Variants in CPA6 observed in about 807,000 individuals in gnomAD.
CPA6 encodes carboxypeptidase B.
CPA6 carries 58 observed loss-of-function variants against 63.3 expected under a neutral mutation model. That is an observed-to-expected ratio of 0.92 (90% CI 0.74 to 1.14). The LOEUF is 1.14. CPA6 is among the 50% of genes most tolerant of loss of function. CPA6 has a pLI of 0.00. For missense variants in CPA6, 565 were observed against 526.6 expected, an observed-to-expected ratio of 1.07 and a Z score of -0.71; for synonymous variants, 185 against 179.0, an observed-to-expected ratio of 1.03 and a Z score of -0.27.
Position 67,511,523 on chromosome 8 carries a change from G to T in CPA6, c.432+18C>A. The T allele has an allele frequency of 7.2e-7, 1 of 1,394,876 alleles. No homozygotes were observed. The highest frequency in any genetic ancestry group is 1.0e-6 in the Non-Finnish European group (1 of 983,458). The allele number at this position is 1,394,876 out of a possible 1,614,324, so 86.4% of individuals were successfully genotyped here. On this transcript the variant is annotated intron_variant, in intron 4 of 10. Transcript: ENST00000297770. ...ATGACTCTGTGAAAAACCAGAAAAA[G>T]CTCTTTTGATTACATACTTCTTCTA...
At chr8:67,552,578 C>T (rs1026123904) in intron 2 of CPA6, among the ~76,000 whole-genome samples, 4 of 151,840 alleles carry the variant, frequency 2.6e-5, no homozygotes, top group Non-Finnish European at 5.9e-5. Flanking sequence ...TCAAGACCAT[C>T]CTGGCTAACA....
At chr8:67,723,172 G>A (rs548407189) in intron 1 of CPA6, among the ~76,000 whole-genome samples, 2 of 151,874 alleles carry the variant, frequency 1.3e-5, no homozygotes, top group South Asian at 2.1e-4. Flanking sequence ...TATTGTTCCC[G>A]TACTGATGGA....
intron 9 of CPA6, among the ~76,000 whole-genome samples, chr8:67,428,830 C>G (rs1809954933): frequency 6.6e-6 from 1 of 152,118 alleles, no homozygotes; most frequent in African/African-American, 2.4e-5. Context: ...CGGGCAGGGA[C>G]CATGTCGGTC....
chr8:67,634,214 TTA>T (rs1231230286), intron 1 of CPA6, among the ~76,000 whole-genome samples: 1 of 106,144 alleles, frequency 9.4e-6, no homozygotes, highest in African/African-American at 3.6e-5. Context: ...ATTATTATTA[TTA>T]TTATTTATTT....
chr8:67,686,993 T>C (rs778531828), intron 1 of CPA6, among the ~76,000 whole-genome samples: 35 of 152,288 alleles, frequency 2.3e-4, no homozygotes, highest in Middle Eastern at 3.4e-3. Flanking sequence ...TTACTCAAGG[T>C]CTTCAGAGGC....
intron 2 of CPA6, among the ~76,000 whole-genome samples, chr8:67,533,530 T>TCCTA (rs1812521195): frequency 6.6e-6 from 1 of 152,216 alleles, no homozygotes; most frequent in African/African-American, 2.4e-5. Flanking sequence ...ATATCAGCTG[T>TCCTA]CCTATCATCT....
intron 1 of CPA6, among the ~76,000 whole-genome samples, chr8:67,636,215 G>A (rs1217894151): frequency 6.6e-6 from 1 of 151,506 alleles, no homozygotes; most frequent in East Asian, 1.9e-4. Flanking sequence ...GCCATGGGCA[G>A]CCTATAATTA....
intron 1 of CPA6, among the ~76,000 whole-genome samples, chr8:67,643,254 G>A (rs567379738): frequency 6.6e-6 from 1 of 152,236 alleles, no homozygotes; most frequent in East Asian, 1.9e-4. Flanking sequence ...GCACCAAGAG[G>A]TAGGAGAGTC....
intron 2 of CPA6, among the ~76,000 whole-genome samples, chr8:67,606,624 C>A (rs1021810894): frequency 6.6e-6 from 1 of 152,272 alleles, no homozygotes. Context: ...CAGAGGTGTG[C>A]GATCACAGAC....
intron 6 of CPA6, among the ~76,000 whole-genome samples, chr8:67,486,353 C>G (rs1217105465): frequency 6.6e-6 from 1 of 152,244 alleles, no homozygotes; most frequent in Admixed American, 6.5e-5. Context: ...CTATGTGACA[C>G]TTGATATTTG....
chr8:67,513,576 C>G (rs1203623695), intron 3 of CPA6, among the ~76,000 whole-genome samples: 1 of 152,148 alleles, frequency 6.6e-6, no homozygotes, highest in African/African-American at 2.4e-5. Context: ...TTGTTAAAGT[C>G]TGTGGTACTT....
rs1166618180 is a variant in CPA6, at chr8:67,506,782, C to A, written c.636+5G>T. On this transcript the variant is annotated splice_donor_5th_base_variant and intron_variant, in intron 6 of 10. Transcript: ENST00000297770. ...AATGGACATTGTGTAAAGGGTTTAA[C>A]TTACTTCTTTTACAAACCACTGACA... 6.3e-7 allele frequency: 1 copy of A among 1,587,350 alleles called. No individual in the cohort carries two copies. The highest frequency in any genetic ancestry group is 8.7e-7 in the Non-Finnish European group (1 of 1,155,822).
At chr8:67,454,085 C>T (rs968646419) in intron 8 of CPA6, among the ~76,000 whole-genome samples, 37 of 152,190 alleles carry the variant, frequency 2.4e-4, no homozygotes, top group African/African-American at 2.4e-5. Context: ...GTTCTTTTTG[C>T]CAGTGTTTAT....
chr8:67,433,693 T>G (rs892162068), intron 9 of CPA6, among the ~76,000 whole-genome samples: 4 of 152,196 alleles, frequency 2.6e-5, no homozygotes, highest in Non-Finnish European at 5.9e-5. Flanking sequence ...GTGGTAAGAA[T>G]GTAAATAGGT....
At chr8:67,612,698 A>G (rs1200631352) in intron 2 of CPA6, among the ~76,000 whole-genome samples, 2 of 152,222 alleles carry the variant, frequency 1.3e-5, no homozygotes, top group Non-Finnish European at 2.9e-5. Flanking sequence ...ACAAAATGGT[A>G]GAAAACAGGA....
intron 2 of CPA6, among the ~76,000 whole-genome samples, chr8:67,602,584 A>G (rs1349886193): frequency 6.6e-6 from 1 of 152,198 alleles, no homozygotes; most frequent in Non-Finnish European, 1.5e-5. Context: ...GATGTCTACT[A>G]AAAGGCTTCC....
At chr8:67,676,903 A>G (rs1816485635) in intron 1 of CPA6, among the ~76,000 whole-genome samples, 1 of 152,172 alleles carries the variant, frequency 6.6e-6, no homozygotes, top group East Asian at 1.9e-4. Context: ...TCTAGCAACA[A>G]TTCTTCCTCA....
In CPA6 at chr8:67,705,428, C is replaced by G. The variant is rs549419559; in HGVS notation, c.116+40586G>C. Among the ~76,000 whole-genome samples the G allele has an allele frequency of 6.8e-4, 103 of 152,286 alleles. No homozygotes were observed. In the Middle Eastern group the frequency reaches 0.01, roughly 15 times the overall value. On this transcript the variant is annotated intron_variant, in intron 1 of 10. Coordinates refer to ENST00000297770, the MANE Select transcript of CPA6 (RefSeq NM_020361.5). ...CTACTCTGTGCTAATCTTTTCTAAA[C>G]AACTCTCCTCCGAATCCTGCCAGGT...
intron 6 of CPA6, among the ~76,000 whole-genome samples, chr8:67,496,666 T>C (rs1437880514): frequency 6.6e-6 from 1 of 151,236 alleles, no homozygotes; most frequent in Middle Eastern, 3.2e-3. Flanking sequence ...GTTCAAGCGA[T>C]TCTCCTGCCT....
Sources: allele counts gnomAD v4.1 joint callset (sites outside exome capture counted in the v4.1 genomes callset), GRCh38; gene constraint gnomAD v4.1.1; transcripts MANE v1.5; gene names NCBI Gene and HGNC (gene_info 2026-07-23, HGNC 2026-07-21).